Variants in SOX5 observed in about 807,000 individuals in gnomAD.
SOX5 encodes transcription factor SOX-5.
In SOX5, 9 loss-of-function variants were observed where a neutral mutation model predicts 92.0. The observed-to-expected ratio is 0.10, with a 90% CI of 0.06 to 0.17. The LOEUF is 0.17. Ranked by LOEUF, SOX5 falls within the 10% of genes least tolerant of loss-of-function variation. The pLI is 1.00. For synonymous variants in SOX5, 344 were observed against 336.3 expected, an observed-to-expected ratio of 1.02 and a Z score of -0.25; for missense variants, 642 against 944.5, an observed-to-expected ratio of 0.68 and a Z score of 4.20.
intron 4 of SOX5, among the ~76,000 whole-genome samples, chr12:24,145,775 G>C (rs1410206574): frequency 1.3e-5 from 2 of 152,180 alleles, no homozygotes; most frequent in Admixed American, 1.3e-4. Context: ...ACAATGTGTG[G>C]AACTACAGGT....
intron 3 of SOX5, among the ~76,000 whole-genome samples, chr12:24,245,606 T>C (rs932625876): frequency 2.0e-5 from 3 of 152,066 alleles, no homozygotes; most frequent in Non-Finnish European, 4.4e-5. Context: ...CTTTGCCAGC[T>C]TGGGGGTAGG....
At chr12:23,991,331 AC>A (rs1950535261) in intron 4 of SOX5, among the ~76,000 whole-genome samples, 2 of 150,752 alleles carry the variant, frequency 1.3e-5, no homozygotes, top group East Asian at 1.9e-4. Flanking sequence ...TAAAAAAAAA[AC>A]AACAACAACA....
intron 9 of SOX5, among the ~76,000 whole-genome samples, chr12:23,578,483 T>C (rs2136799935): frequency 6.6e-6 from 1 of 152,152 alleles, no homozygotes; most frequent in South Asian, 2.1e-4. Flanking sequence ...GGGGGACTAT[T>C]GAAAAAGTTT....
chr12:23,771,288 G>C (rs1332128305), intron 3 of SOX5, among the ~76,000 whole-genome samples: 10 of 151,334 alleles, frequency 6.6e-5, no homozygotes, highest in African/African-American at 2.4e-4. Context: ...TCTTATATTT[G>C]TGTAGCTGTT....
chr12:23,975,200 T>C (rs541951600), intron 4 of SOX5, among the ~76,000 whole-genome samples: 2 of 152,260 alleles, frequency 1.3e-5, no homozygotes, highest in Admixed American at 1.3e-4. Context: ...GCAAACATAT[T>C]AAAATGTTGC....
At chr12:24,479,304 A>G (rs1945721486) in intron 1 of SOX5, among the ~76,000 whole-genome samples, 1 of 152,144 alleles carries the variant, frequency 6.6e-6, no homozygotes, top group Admixed American at 6.6e-5. Flanking sequence ...CTCTTATTGT[A>G]TGTGTCATTT....
intron 1 of SOX5, among the ~76,000 whole-genome samples, chr12:24,445,744 T>C (rs953177576): frequency 2.6e-5 from 4 of 152,176 alleles, no homozygotes; most frequent in Non-Finnish European, 4.4e-5. Flanking sequence ...CCTTCAACTC[T>C]CACAGTTTAG....
At chr12:24,143,761 C>T (rs1950803512) in intron 4 of SOX5, among the ~76,000 whole-genome samples, 1 of 150,910 alleles carries the variant, frequency 6.6e-6, no homozygotes, top group African/African-American at 2.4e-5. Context: ...ACTGTGCATT[C>T]TTACATGTGT....
chr12:24,386,881 G>A (rs1325035333), intron 1 of SOX5, among the ~76,000 whole-genome samples: 1 of 152,138 alleles, frequency 6.6e-6, no homozygotes, highest in Admixed American at 6.5e-5. Flanking sequence ...TATAGCTGAA[G>A]GTCCAGAAAA....
chr12:23,905,814 A>G (rs2097287552), intron 1 of SOX5, among the ~76,000 whole-genome samples: 1 of 152,164 alleles, frequency 6.6e-6, no homozygotes, highest in South Asian at 2.1e-4. Flanking sequence ...TTTTCTCATG[A>G]TTTACAAGAA....
At chr12:24,408,348 C>T (rs1052480873) in intron 1 of SOX5, among the ~76,000 whole-genome samples, 35 of 151,922 alleles carry the variant, frequency 2.3e-4, no homozygotes, top group African/African-American at 7.5e-4. Flanking sequence ...ATTGTAGATC[C>T]ACATGCAGTT....
chr12:23,558,692 T>C (rs559229716), intron 11 of SOX5, among the ~76,000 whole-genome samples: 62 of 152,360 alleles, frequency 4.1e-4, no homozygotes, highest in African/African-American at 1.5e-3. Flanking sequence ...AACCTCTGCC[T>C]CCCAGGTTCA....
chr12:24,025,372 T>C (rs142066579), intron 4 of SOX5, among the ~76,000 whole-genome samples: 73 of 152,240 alleles, frequency 4.8e-4, no homozygotes, highest in African/African-American at 1.7e-3. Context: ...TTGAAGGTTA[T>C]GTAAACAATG....
intron 1 of SOX5, among the ~76,000 whole-genome samples, chr12:23,918,003 G>A (rs544085141): frequency 1.4e-4 from 21 of 152,108 alleles, no homozygotes; most frequent in East Asian, 5.8e-4. Context: ...TACAGTATAC[G>A]TTCCTTCATT....
chr12:23,961,272 A>C (rs1383972794), intron 4 of SOX5, among the ~76,000 whole-genome samples: 2 of 152,158 alleles, frequency 1.3e-5, no homozygotes, highest in South Asian at 2.1e-4. Context: ...ATACTCTATA[A>C]TTTTTTTAAA....
At chr12:24,038,195 C>T (rs750994430) in intron 4 of SOX5, among the ~76,000 whole-genome samples, 9 of 152,248 alleles carry the variant, frequency 5.9e-5, no homozygotes, top group Middle Eastern at 6.8e-3. Context: ...CAGCCAGAAA[C>T]CATGTGAATG....
chr12:24,076,909 T>C (rs1258783484), intron 4 of SOX5, among the ~76,000 whole-genome samples: 2 of 152,116 alleles, frequency 1.3e-5, no homozygotes, highest in Admixed American at 6.6e-5. Flanking sequence ...GAAGCTCTCC[T>C]TTACAGTATT....
chr12:24,560,025 T>C (rs900708513), intron 1 of SOX5, among the ~76,000 whole-genome samples: 10 of 152,132 alleles, frequency 6.6e-5, no homozygotes, highest in African/African-American at 2.4e-4. Flanking sequence ...GTTTTTCCTG[T>C]ATTAAGAGTT....
At chr12:24,268,259 G>A (rs111326376) in intron 3 of SOX5, among the ~76,000 whole-genome samples, 2,393 of 152,204 alleles carry the variant, frequency 0.016, 29 homozygotes, top group Middle Eastern at 0.024. Context: ...TGTAGAGCAC[G>A]AAGACAATCA....
Sources: allele counts gnomAD v4.1 joint callset (sites outside exome capture counted in the v4.1 genomes callset), GRCh38; gene constraint gnomAD v4.1.1; transcripts MANE v1.5; gene names NCBI Gene and HGNC (gene_info 2026-07-23, HGNC 2026-07-21).